The following NSUN4 variants were observed in gnomAD, a reference collection of about 807,000 sequenced individuals.
NSUN4 encodes the protein 5-cytosine rRNA methyltransferase NSUN4.
A neutral mutation model predicts 43.8 loss-of-function variants in NSUN4; 31 were observed. The ratio of observed to expected loss-of-function variants is 0.71; its 90% CI spans 0.53 to 0.96. The LOEUF (loss-of-function observed/expected upper bound fraction) is 0.96. Ranked by LOEUF, NSUN4 falls within the 40% of genes least tolerant of loss-of-function variation. The pLI is 0.00. For synonymous variants in NSUN4, 167 were observed against 184.1 expected (o/e 0.91, Z 0.75); for missense variants, 439 against 475.6 (o/e 0.92, Z 0.72).
At chr1:46,357,957 C>T (rs1379278464) in intron 4 of NSUN4, among the ~76,000 whole-genome samples, 1 of 152,124 alleles carries the variant, frequency 6.6e-6, no homozygotes, top group Non-Finnish European at 1.5e-5. Flanking sequence ...CTCTGTTGTC[C>T]AAGTTGGAGT....
chr1:46,383,958 G>A, the NSUN4 span, among the ~76,000 whole-genome samples: 5 of 152,094 alleles, frequency 3.3e-5, no homozygotes, highest in African/African-American at 9.7e-5. Flanking sequence ...CTGCTGTGTC[G>A]TTCACCTATT....
At chr1:46,341,949 C>G in intron 1 of NSUN4, 1 of 1,233,088 alleles carries the variant, frequency 8.1e-7, no homozygotes, top group Non-Finnish European at 1.0e-6. Context: ...AACCTCCTTT[C>G]CCCTTGCTCA....
the NSUN4 span, among the ~76,000 whole-genome samples, chr1:46,379,235 C>T: frequency 1.3e-5 from 2 of 152,106 alleles, no homozygotes; most frequent in Non-Finnish European, 2.9e-5. Flanking sequence ...ATTGTCAGCA[C>T]CCTAGGCAGT....
chr1:46,353,068 G>A, intron 4 of NSUN4, 40 bp downstream of exon 4: 3 of 1,596,182 alleles, frequency 1.9e-6, no homozygotes, highest in Non-Finnish European at 2.6e-6. Flanking sequence ...CCAGCTTAAT[G>A]CGGCCTCCCC....
chr1:46,382,422 G>A, the NSUN4 span, among the ~76,000 whole-genome samples: 3 of 152,192 alleles, frequency 2.0e-5, no homozygotes, highest in African/African-American at 7.2e-5. Context: ...CTGACGGATA[G>A]GGAAGAGCTC....
chr1:46,342,900 G>A, intron 1 of NSUN4: 2 of 399,882 alleles, frequency 5.0e-6, no homozygotes, highest in Non-Finnish European at 8.8e-6. Context: ...CTGCCTCTCT[G>A]GTCCTTCTTG....
rs1053627 is a variant in NSUN4, at chr1:46,362,056, A to C, written c.*210A>C. 138,435 of 589,952 alleles carry C rather than the reference A, an allele frequency of 0.23. 18,395 individuals carry two copies. Among genetic ancestry groups the C allele is most frequent in the Non-Finnish European group, 0.29 (96,562 of 333,646 alleles). 36.5% of individuals were successfully genotyped at this position (589,952 alleles called of 1,614,324 possible). On this transcript the variant is annotated 3_prime_UTR_variant, in exon 6 of 6. Coordinates refer to ENST00000474844, the MANE Select transcript of NSUN4 (RefSeq NM_199044.4). ...CAGCAGGTTTCCAACTCACTCATTAACCCCTACCCCATCTCCAGGCCTGTA... is the reference window on the plus strand; with the variant it reads ...CAGCAGGTTTCCAACTCACTCATTACCCCCTACCCCATCTCCAGGCCTGTA...
At chr1:46,360,249 A>AATATAT (rs773980804) in intron 4 of NSUN4, among the ~76,000 whole-genome samples, 8 of 25,752 alleles carry the variant, frequency 3.1e-4, no homozygotes, top group African/African-American at 7.8e-4. Flanking sequence ...AAAAAAAAAA[A>AATATAT]ATATATATAT....
Position 46,362,971 on chromosome 1 carries a change from ATTTTAT to A in NSUN4, c.*1131_*1136del, listed in dbSNP as rs1483966194. On this transcript the variant is annotated 3_prime_UTR_variant, in exon 6 of 6. Coordinates refer to ENST00000474844, the MANE Select transcript of NSUN4 (RefSeq NM_199044.4). ...AAATTGCTCAGGGTCACTTGCAGATATTTTATTTTTAAACTTTTTTTTTTTTTCCTG... is the reference window on the plus strand; with the variant it reads ...AAATTGCTCAGGGTCACTTGCAGATATTTTAAACTTTTTTTTTTTTTCCTG... 1 of 149,798 alleles carries A rather than the reference ATTTTAT, an allele frequency of 6.7e-6. No individual in the cohort carries two copies. The highest frequency in any genetic ancestry group is 2.1e-4 in the South Asian group (1 of 4,780). 9.3% of individuals were successfully genotyped at this position (149,798 alleles called of 1,614,324 possible).
the NSUN4 span, among the ~76,000 whole-genome samples, chr1:46,375,854 C>T: frequency 6.6e-6 from 1 of 151,784 alleles, no homozygotes; most frequent in Non-Finnish European, 1.5e-5. Flanking sequence ...CGCCTGTAAT[C>T]CCAGCACTTT....
chr1:46,342,986 G>C, intron 1 of NSUN4: 1 of 399,508 alleles, frequency 2.5e-6, no homozygotes, highest in Non-Finnish European at 4.4e-6. Context: ...TACTGACTGT[G>C]GTCCCTAGAG....
the NSUN4 span, chr1:46,370,627 G>A: frequency 1.3e-5 from 2 of 149,888 alleles, no homozygotes; most frequent in African/African-American, 2.5e-5. Context: ...TAACTTCAGA[G>A]TTGATATTAA....
At chr1:46,360,102 G>A (rs6692413) in intron 4 of NSUN4, among the ~76,000 whole-genome samples, 32,474 of 148,022 alleles carry the variant, frequency 0.22, 4,058 homozygotes, top group Non-Finnish European at 0.29. Flanking sequence ...GGTGGCAGGC[G>A]CCTGTAGTCC....
At chr1:46,376,937 T>C in the NSUN4 span, among the ~76,000 whole-genome samples, 43 of 152,054 alleles carry the variant, frequency 2.8e-4, no homozygotes, top group Non-Finnish European at 3.5e-4. Flanking sequence ...TTTGTATTTT[T>C]AGTAGAGAAG....
downstream of NSUN4, among the ~76,000 whole-genome samples, chr1:46,368,598 A>G (rs1664189106): frequency 6.6e-6 from 1 of 152,258 alleles, no homozygotes; most frequent in African/African-American, 2.4e-5. Context: ...GCCAAGACCA[A>G]CCTAAATCGC....
rs1662790827 is a variant in NSUN4, at chr1:46,349,218, C to A, written c.592+2143C>A. On this transcript the variant is annotated intron_variant, in intron 3 of 5. Coordinates refer to ENST00000474844, the MANE Select transcript of NSUN4 (RefSeq NM_199044.4). ...GCAGTGGCGTGATCTCGGCTCACTG[C>A]AAACTCCGCCTCCCGGGTTCATGCC... Among the ~76,000 whole-genome samples, 3 of 151,186 alleles carry A rather than the reference C, an allele frequency of 2.0e-5. No individual in the cohort carries two copies. In the South Asian group the frequency reaches 6.3e-4, roughly 32 times the overall value.
the NSUN4 span, among the ~76,000 whole-genome samples, chr1:46,374,289 C>CAAAAAAAAAAAAAAAAAAAAAA: frequency 2.3e-5 from 1 of 42,912 alleles, no homozygotes. Context: ...TCTGTCTCAC[C>CAAAAAAAAAAAAAAAAAAAAAA]AAAAAAAAAA....
chr1:46,360,235 A>AAAAAAG, intron 4 of NSUN4, among the ~76,000 whole-genome samples: 1 of 37,924 alleles, frequency 2.6e-5, no homozygotes, highest in Non-Finnish European at 5.3e-5. Flanking sequence ...TCTCAAAAAA[A>AAAAAAG]AAAAAAAAAA....
At chr1:46,375,894 G>T in the NSUN4 span, among the ~76,000 whole-genome samples, 1 of 151,818 alleles carries the variant, frequency 6.6e-6, no homozygotes, top group Non-Finnish European at 1.5e-5. Flanking sequence ...ATCACCTGAG[G>T]TCGGGAGTTC....
Sources: gnomAD v4.1 joint callset for allele counts (sites outside exome capture counted in the v4.1 genomes callset) on GRCh38, gnomAD v4.1.1 for gene constraint, MANE v1.5 for transcripts, NCBI Gene and HGNC (gene_info 2026-07-23, HGNC 2026-07-21) for gene names.